The following RIMS4 variants were observed in gnomAD, a reference collection of about 807,000 sequenced individuals.
RIMS4 encodes regulating synaptic membrane exocytosis protein 4.
Under a neutral mutation model 29.0 loss-of-function variants are expected in RIMS4, and 9 were observed. The observed-to-expected ratio is 0.31, with a 90% CI of 0.19 to 0.54. The LOEUF (loss-of-function observed/expected upper bound fraction) is 0.54. Ranked by LOEUF, RIMS4 falls within the 20% of genes least tolerant of loss-of-function variation. The probability of loss-of-function intolerance (pLI) is 0.94; values close to 1 mark genes in which losing one functional copy is unlikely to be tolerated. For missense variants in RIMS4, 193 were observed against 365.7 expected (o/e 0.53, Z 3.85); for synonymous variants, 130 against 152.9 (o/e 0.85, Z 1.10).
At chr20:44,778,469 A>G (rs2066169964) in intron 1 of RIMS4, among the ~76,000 whole-genome samples, 1 of 152,196 alleles carries the variant, frequency 6.6e-6, no homozygotes, top group Non-Finnish European at 1.5e-5. Context: ...TGAGCCCAGG[A>G]GTTCAAGACC....
At chr20:44,773,504 C>T (rs1347698436) in intron 1 of RIMS4, among the ~76,000 whole-genome samples, 1 of 151,584 alleles carries the variant, frequency 6.6e-6, no homozygotes, top group Non-Finnish European at 1.5e-5. Flanking sequence ...CCCCCACACC[C>T]CACACTAGGG....
chr20:44,762,661 G>C (rs764113899), intron 2 of RIMS4, among the ~76,000 whole-genome samples: 1 of 152,194 alleles, frequency 6.6e-6, no homozygotes, highest in Admixed American at 6.5e-5. Flanking sequence ...CCTATCCCAG[G>C]GAGCCTTGCT....
rs765855858 is a variant in RIMS4, at chr20:44,771,051, G to C, written c.236+224C>G. Among the ~76,000 whole-genome samples the C allele has an allele frequency of 3.9e-5, 6 of 152,348 alleles. No individual in the cohort carries two copies. In the East Asian group the frequency reaches 9.6e-4, roughly 24 times the overall value. The stretch of plus-strand genomic sequence containing the variant: ...TTGCCCAAGGTCACACAGCAGGAAG[G>C]GGGTGGAGCCAGGATTCAAATCCAA... On this transcript the variant is annotated intron_variant, in intron 2 of 5. Transcript: ENST00000372851.
chr20:44,798,278 G>A (rs1213132247), intron 1 of RIMS4, among the ~76,000 whole-genome samples: 3 of 152,230 alleles, frequency 2.0e-5, no homozygotes, highest in African/African-American at 7.2e-5. Flanking sequence ...ATACAGTACA[G>A]AATGCTGGAA....
intron 1 of RIMS4, among the ~76,000 whole-genome samples, chr20:44,779,143 T>A (rs2066172878): frequency 6.6e-6 from 1 of 152,226 alleles, no homozygotes; most frequent in Non-Finnish European, 1.5e-5. Context: ...AAATCTTCCA[T>A]GTGACCAGCT....
chr20:44,763,058 A>G (rs2066093058), intron 2 of RIMS4, among the ~76,000 whole-genome samples: 1 of 152,246 alleles, frequency 6.6e-6, no homozygotes, highest in Non-Finnish European at 1.5e-5. Flanking sequence ...AAAAGAGCTT[A>G]TTGCATTAAG....
intron 1 of RIMS4, among the ~76,000 whole-genome samples, chr20:44,775,648 C>T (rs1476396316): frequency 6.6e-6 from 1 of 152,170 alleles, no homozygotes; most frequent in African/African-American, 2.4e-5. Context: ...GTGTCTCCTG[C>T]CCTGTCTTGT....
At chr20:44,803,688 A>G (rs1163933540) in intron 1 of RIMS4, among the ~76,000 whole-genome samples, 1 of 152,036 alleles carries the variant, frequency 6.6e-6, no homozygotes, top group African/African-American at 2.4e-5. Context: ...GGGAGGGGGG[A>G]TGGCGCTCTG....
intron 1 of RIMS4, among the ~76,000 whole-genome samples, chr20:44,780,111 G>T (rs1021534747): frequency 6.6e-6 from 1 of 152,120 alleles, no homozygotes; most frequent in Non-Finnish European, 1.5e-5. Flanking sequence ...CCTCTCTAAA[G>T]GTCAATGGTC....
intron 1 of RIMS4, among the ~76,000 whole-genome samples, chr20:44,773,088 C>CA (rs1439207665): frequency 2.0e-5 from 3 of 152,242 alleles, no homozygotes; most frequent in Non-Finnish European, 2.9e-5. Flanking sequence ...GCAACACACA[C>CA]ACACAGTAAG....
At chr20:44,763,967 T>TATCC (rs2066097077) in intron 2 of RIMS4, among the ~76,000 whole-genome samples, 3 of 149,654 alleles carry the variant, frequency 2.0e-5, no homozygotes, top group African/African-American at 4.9e-5. Flanking sequence ...TCCATCCATT[T>TATCC]ATCCATCCAT....
chr20:44,777,640 G>T (rs2066165977), intron 1 of RIMS4, among the ~76,000 whole-genome samples: 1 of 152,122 alleles, frequency 6.6e-6, no homozygotes, highest in Admixed American at 6.5e-5. Flanking sequence ...TTAACCACGA[G>T]ACCTCAGGGA....
At chr20:44,764,207 C>T (rs372596992) in intron 2 of RIMS4, among the ~76,000 whole-genome samples, 4 of 149,764 alleles carry the variant, frequency 2.7e-5, no homozygotes, top group South Asian at 2.1e-4. Context: ...TCCATCCATC[C>T]ATCCACCCAT....
chr20:44,762,764 T>C (rs1323172505), intron 2 of RIMS4, among the ~76,000 whole-genome samples: 3 of 152,320 alleles, frequency 2.0e-5, no homozygotes, highest in African/African-American at 7.2e-5. Flanking sequence ...AAGTGGTGGC[T>C]GGGCCCTACT....
intron 1 of RIMS4, among the ~76,000 whole-genome samples, chr20:44,792,877 G>A (rs2066238968): frequency 6.6e-6 from 1 of 152,178 alleles, no homozygotes; most frequent in Non-Finnish European, 1.5e-5. Flanking sequence ...GGGGTCAGAA[G>A]AACTCCCGGA....
intron 1 of RIMS4, among the ~76,000 whole-genome samples, chr20:44,799,715 C>G (rs752041024): frequency 6.6e-6 from 1 of 152,116 alleles, no homozygotes; most frequent in Non-Finnish European, 1.5e-5. Flanking sequence ...CCGCAGGGTC[C>G]ATGATGGCTA....
At chr20:44,802,262 C>T (rs1055660144) in intron 1 of RIMS4, among the ~76,000 whole-genome samples, 3 of 152,206 alleles carry the variant, frequency 2.0e-5, no homozygotes, top group Admixed American at 6.5e-5. Context: ...TTATTCCATA[C>T]GTCCAGCTCT....
At chr20:44,760,193 G>A (rs1464992366) in intron 2 of RIMS4, among the ~76,000 whole-genome samples, 1 of 152,232 alleles carries the variant, frequency 6.6e-6, no homozygotes. Context: ...GGATCCTTGA[G>A]GACGGTCTGT....
chr20:44,765,297 G>C (rs190259886), intron 2 of RIMS4, among the ~76,000 whole-genome samples: 7 of 152,094 alleles, frequency 4.6e-5, no homozygotes, highest in Admixed American at 1.3e-4. Flanking sequence ...TCAAAGCTAC[G>C]GGGTCAGGCA....
Sources: gnomAD v4.1 joint callset for allele counts (sites outside exome capture counted in the v4.1 genomes callset) on GRCh38, gnomAD v4.1.1 for gene constraint, MANE v1.5 for transcripts, NCBI Gene and HGNC (gene_info 2026-07-23, HGNC 2026-07-21) for gene names.